Variants in TBRG4 observed in about 807,000 individuals in gnomAD.
TBRG4 encodes transforming growth factor beta regulator 4.
TBRG4 carries 43 observed loss-of-function variants against 65.6 expected under a neutral mutation model. The ratio of observed to expected loss-of-function variants is 0.66; its 90% confidence interval spans 0.51 to 0.85. The LOEUF (loss-of-function observed/expected upper bound fraction) is 0.85. Ranked by LOEUF, TBRG4 falls within the 40% of genes least tolerant of loss-of-function variation. The pLI is 0.00. For missense variants in TBRG4, 709 were observed against 787.9 expected (o/e 0.90, Z 1.20); for synonymous variants, 366 against 341.4 (o/e 1.07, Z -0.79).
rs546189873 is a variant in TBRG4, at chr7:45,104,452, T to C, written c.907+86A>G. 1.0e-5 allele frequency: 16 copies of C among 1,601,894 alleles called. No individual in the cohort carries two copies. The South Asian group carries it at 1.2e-4, about 12-fold the overall frequency. ...CTTCTGGGCCAGTGCCTACCATGCA[T>C]AGGACAGGTACTGAATTTGACACGG... is the stretch of plus-strand genomic sequence containing the variant. On this transcript the variant is annotated intron_variant, in intron 4 of 10. Transcript: ENST00000258770.
intron 3 of TBRG4, chr7:45,104,996 C>A: frequency 1.3e-6 from 1 of 745,318 alleles, no homozygotes. Context: ...CCATCTGGGC[C>A]AGCCCCCGCT....
At chr7:45,107,059 CTT>C (rs886660479) in intron 2 of TBRG4, 4 of 152,110 alleles carry the variant, frequency 2.6e-5, no homozygotes, top group African/African-American at 9.7e-5. Flanking sequence ...TGCAGGAACG[CTT>C]TTGACATATG....
intron 6 of TBRG4, 26 bp downstream of exon 6, chr7:45,103,307 G>A (rs370488129): frequency 8.3e-6 from 13 of 1,569,280 alleles, no homozygotes; most frequent in African/African-American, 6.8e-5. Context: ...GATAAAGGTC[G>A]AGCAGTGGGA....
In TBRG4 at chr7:45,105,522, A is replaced by T. The variant is rs112916426; in HGVS notation, c.654T>A (p.Ile218=). 16 of 1,614,144 alleles carry T rather than the reference A, an allele frequency of 9.9e-6. No individual in the cohort carries two copies. The African/African-American group carries it at 1.6e-4, about 16-fold the overall frequency. The change falls in exon 3 of 11, where the codon ATT becomes ATA. Residue 218 remains isoleucine (I), a synonymous_variant. Transcript: ENST00000258770. The part of the protein sequence containing the change: ...LTHLERRWTE[I]EDSHTLVTVM... ...CGGTCACTAATGTGTGGGAATCTTC[A>T]ATTTCTGTCCAACGCCTTTCCAGGT...
chr7:45,101,628 G>C lies in TBRG4; in HGVS notation c.1568-14C>G. The C allele has an allele frequency of 6.2e-7, 1 of 1,612,110 alleles. No homozygotes were observed. The highest frequency in any genetic ancestry group is 1.1e-5 in the South Asian group (1 of 90,962). On this transcript the variant is annotated splice_polypyrimidine_tract_variant and intron_variant, in intron 8 of 10. Transcript: ENST00000258770. ...GCACCTCAGCATCTGGGGAAGGGGT[G>C]TGGGATGAGAACATGTTGGGGGACA...
intron 10 of TBRG4, among the ~76,000 whole-genome samples, 179 bp from the exon 11 acceptor site, chr7:45,100,605 G>A (rs1047755735): frequency 1.3e-5 from 2 of 152,240 alleles, no homozygotes; most frequent in African/African-American, 4.8e-5. Context: ...TGAACTGCAG[G>A]CAGTGCGGGC....
chr7:45,105,818 T>A, intron 2 of TBRG4, 54 bp from the exon 3 acceptor site: 1 of 1,551,932 alleles, frequency 6.4e-7, no homozygotes, highest in Non-Finnish European at 8.8e-7. Flanking sequence ...GTCCTGTGTG[T>A]GAGCTGGAGG....
chr7:45,101,792 C>A, intron 8 of TBRG4, 33 bp downstream of exon 8: 1 of 1,600,862 alleles, frequency 6.2e-7, no homozygotes, highest in Non-Finnish European at 8.5e-7. Context: ...TCAGGCAATG[C>A]CAGGCCCTGT....
At chr7:45,102,190 G>C (rs1784786982) in intron 7 of TBRG4, 120 bp from the exon 8 acceptor site, 4 of 1,530,624 alleles carry the variant, frequency 2.6e-6, no homozygotes. Context: ...TCAGGAGGCA[G>C]CAGAGTTACG....
intron 4 of TBRG4, 135 bp downstream of exon 4, chr7:45,104,403 G>A (rs776344700): frequency 6.4e-7 from 1 of 1,560,558 alleles, no homozygotes; most frequent in Non-Finnish European, 8.8e-7. Context: ...CAGGGCCCAT[G>A]AGTCACAGTG....
intron 2 of TBRG4, chr7:45,107,234 T>G (rs1346137605): frequency 6.6e-6 from 1 of 152,212 alleles, no homozygotes; most frequent in Non-Finnish European, 1.5e-5. Context: ...ACCAACATCC[T>G]ATGAGAACCA....
intron 2 of TBRG4, 100 bp downstream of exon 2, chr7:45,108,727 G>C (rs979442164): frequency 6.5e-6 from 6 of 918,894 alleles, no homozygotes; most frequent in Non-Finnish European, 9.4e-6. Flanking sequence ...AGAGATGCAA[G>C]GCCCCTGTCT....
At position 45,103,890 on chromosome 7, in the gene TBRG4, T is replaced by C; in HGVS notation, c.1065+209A>G. ...AAATGGATGGAAGCACTTATAATGG[T>C]CAGTGAAAGAACAGAGGAAACAGTT... is the stretch of plus-strand genomic sequence containing the variant. On this transcript the variant is annotated intron_variant, in intron 5 of 10. Coordinates refer to ENST00000258770, the MANE Select transcript of TBRG4 (RefSeq NM_004749.4). 2.1e-5 allele frequency: 14 copies of C among 681,198 alleles called. No homozygotes were observed. The South Asian group carries it at 2.9e-4, about 14-fold the overall frequency. The allele number at this position is 681,198 out of a possible 1,614,324, so 42.2% of individuals were successfully genotyped here.
chr7:45,103,736 ATAAACG>A (rs1349208091), intron 5 of TBRG4: 1 of 522,070 alleles, frequency 1.9e-6, no homozygotes. Context: ...CTGGTCACAC[ATAAACG>A]TAACTGCAGG....
In TBRG4 at chr7:45,109,423, T is replaced by C. The variant is rs56398934; in HGVS notation, c.-50-136A>G. Reference sequence around the variant, plus strand: ...TTCTTGACAATCCATAGGTATGTGATAGTATTTTCTAAAGCAAAAGTCTCA... The same window carrying C: ...TTCTTGACAATCCATAGGTATGTGACAGTATTTTCTAAAGCAAAAGTCTCA... On this transcript the variant is annotated intron_variant, in intron 1 of 10. Coordinates refer to ENST00000258770, the MANE Select transcript of TBRG4 (RefSeq NM_004749.4). 9.9e-3 allele frequency: 6,939 copies of C among 702,194 alleles called. 334 individuals carry two copies. In the African/African-American group the frequency reaches 0.11, roughly 11 times the overall value. The allele number at this position is 702,194 out of a possible 1,614,324, so 43.5% of individuals were successfully genotyped here. A position where few individuals can be genotyped will look rare whatever the true frequency, so the allele number is the denominator to read the frequency against.
intron 8 of TBRG4, 57 bp from the exon 9 acceptor site, chr7:45,101,671 C>G (rs142564373): frequency 1.2e-6 from 2 of 1,601,058 alleles, no homozygotes; most frequent in Non-Finnish European, 1.7e-6. Context: ...GAAACCCCCC[C>G]ACAGGAAAGA....
In TBRG4 at chr7:45,105,606, G is replaced by C. The variant is rs1476354721; in HGVS notation, c.570C>G (p.Ser190=). The C allele has an allele frequency of 6.2e-7, 1 of 1,614,050 alleles. No homozygotes were observed. The highest frequency in any genetic ancestry group is 1.3e-5 in the African/African-American group (1 of 74,948). ...GCTGCTCCTGTGAGAGGGTGGCACA[G>C]GACTCTGCCAGGAAGGCCAGGTGCT... ...KYKHLAFLAE[S]CATLSQEQHS... Residue 190 remains serine, a synonymous_variant, in exon 3 of 11, where the codon TCC becomes TCG. Coordinates refer to ENST00000258770, the MANE Select transcript of TBRG4 (RefSeq NM_004749.4).
chr7:45,100,245 G>T lies in TBRG4; in HGVS notation c.*80C>A, dbSNP rs1304274844. Reference sequence around the variant, plus strand: ...TGGCCAAGGTCCTGCACAGAGGTTTGTCCTCAAGGGTGACCCTTCTTGGCC... The same window carrying T: ...TGGCCAAGGTCCTGCACAGAGGTTTTTCCTCAAGGGTGACCCTTCTTGGCC... On this transcript the variant is annotated 3_prime_UTR_variant, in exon 11 of 11. Transcript: ENST00000258770. The T allele has an allele frequency of 1.1e-5, 13 of 1,206,484 alleles. No individual in the cohort carries two copies. The highest frequency in any genetic ancestry group is 1.5e-5 in the Non-Finnish European group (13 of 849,634). The allele number at this position is 1,206,484 out of a possible 1,614,324, so 74.7% of individuals were successfully genotyped here.
chr7:45,107,962 T>A (rs1277669697), intron 2 of TBRG4, among the ~76,000 whole-genome samples: 1 of 152,244 alleles, frequency 6.6e-6, no homozygotes, highest in Admixed American at 6.5e-5. Context: ...AAAAGTTCCA[T>A]GAGACATTAG....
Sources: gnomAD v4.1 joint callset for allele counts (sites outside exome capture counted in the v4.1 genomes callset) on GRCh38, gnomAD v4.1.1 for gene constraint, MANE v1.5 for transcripts, NCBI Gene and HGNC (gene_info 2026-07-23, HGNC 2026-07-21) for gene names.